ALB: variants seen among roughly 807,000 people sequenced by gnomAD.
ALB encodes the protein serum albumin.
A neutral mutation model predicts 74.5 loss-of-function variants in ALB; 37 were observed. The observed-to-expected ratio is 0.50, with a 90% CI of 0.38 to 0.65. The LOEUF (loss-of-function observed/expected upper bound fraction) is 0.65. ALB is among the 30% of genes least tolerant of loss of function. ALB has a pLI of 0.00. For synonymous variants in ALB, 249 were observed against 251.6 expected (o/e 0.99, Z 0.10); for missense variants, 685 against 718.7 (o/e 0.95, Z 0.54).
chr4:73,413,405 C>T lies in ALB; in HGVS notation c.844-15C>T, dbSNP rs1718927982. The T allele has an allele frequency of 6.2e-7, 1 of 1,606,494 alleles. No homozygotes were observed. Among genetic ancestry groups the T allele is most frequent in the African/African-American group, 1.3e-5 (1 of 74,716 alleles). Reference sequence around the variant, plus strand: ...GTCAATTCGTGTTGAACAATTTCCACCAACTTACTTATAGGCGGACCTTGC... The same window carrying T: ...GTCAATTCGTGTTGAACAATTTCCATCAACTTACTTATAGGCGGACCTTGC... On this transcript the variant is annotated splice_polypyrimidine_tract_variant and intron_variant, in intron 7 of 14. Coordinates refer to ENST00000295897, the MANE Select transcript of ALB (RefSeq NM_000477.7).
In ALB at chr4:73,415,142, A is replaced by T. The variant is rs78538497; in HGVS notation, c.1166A>T (p.Asp389Val). The T allele has an allele frequency of 4.3e-6, 7 of 1,614,084 alleles. No homozygotes were observed. The highest frequency in any genetic ancestry group is 5.9e-6 in the Non-Finnish European group (7 of 1,180,036). ...CTAGAGAAGTGCTGTGCCGCTGCAGATCCTCATGAATGCTATGCCAAAGTG... is the reference window on the plus strand; with the variant it reads ...CTAGAGAAGTGCTGTGCCGCTGCAGTTCCTCATGAATGCTATGCCAAAGTG... The part of the protein sequence containing the change: ...TTLEKCCAAA[D>V]PHECYAKVFD... The change falls in exon 9 of 15, where the codon GAT becomes GTT. Residue 389 changes from aspartate (D) to valine (V), a missense_variant. Transcript: ENST00000295897.
intron 10 of ALB, 139 bp downstream of exon 10, chr4:73,416,492 A>T (rs1719018281): frequency 1.4e-6 from 1 of 706,960 alleles, no homozygotes; most frequent in South Asian, 1.6e-5. Flanking sequence ...GAAAGATAGG[A>T]GAGGAGAGAT....
At chr4:73,405,272 A>G (rs1718691520) in intron 2 of ALB, 99 bp downstream of exon 2, 1 of 1,045,162 alleles carries the variant, frequency 9.6e-7, no homozygotes, top group South Asian at 1.3e-5. Flanking sequence ...TTCAGATTCT[A>G]AAACAGTGCT....
In ALB at chr4:73,418,210, C is replaced by G. The variant is rs1304887778; in HGVS notation, c.1551C>G (p.Val517=). 6.2e-7 allele frequency: 1 copy of G among 1,614,096 alleles called. No homozygotes were observed. Among genetic ancestry groups the G allele is most frequent in the Non-Finnish European group, 8.5e-7 (1 of 1,180,006 alleles). The part of the protein sequence containing the change: ...NRRPCFSALE[V]DETYVPKEFN... The stretch of plus-strand genomic sequence containing the variant: ...GACCATGCTTTTCAGCTCTGGAAGT[C>G]GATGAAACATACGTTCCCAAAGAGT... The change falls in exon 12 of 15, where the codon GTC becomes GTG. Residue 517 remains valine (V), a synonymous_variant. Transcript: ENST00000295897.
At chr4:73,408,514 A>G (rs1718788944) in intron 3 of ALB, 80 bp from the exon 4 acceptor site, 1 of 1,265,668 alleles carries the variant, frequency 7.9e-7, no homozygotes, top group African/African-American at 1.5e-5. Flanking sequence ...TAACCAGTAT[A>G]TTAAATCCTT....
At chr4:73,420,631 T>C (rs919265947) in intron 14 of ALB, among the ~76,000 whole-genome samples, 1 of 152,164 alleles carries the variant, frequency 6.6e-6, no homozygotes, top group African/African-American at 2.4e-5. Flanking sequence ...ACTTATATGA[T>C]GCGGTACACA....
intron 10 of ALB, among the ~76,000 whole-genome samples, chr4:73,417,284 A>C (rs56017687): frequency 6.6e-6 from 1 of 152,216 alleles, no homozygotes. Flanking sequence ...TATTAATGTC[A>C]CTGAATTAGG....
At chr4:73,415,836 A>G (rs1204538525) in intron 9 of ALB, among the ~76,000 whole-genome samples, 1 of 152,190 alleles carries the variant, frequency 6.6e-6, no homozygotes, top group Non-Finnish European at 1.5e-5. Context: ...AATATGTACA[A>G]TCATAGCCAT....
chr4:73,420,666 C>T (rs1295803116), intron 14 of ALB: 1 of 278,888 alleles, frequency 3.6e-6, no homozygotes, highest in Non-Finnish European at 6.7e-6. Context: ...AGTGATGGCT[C>T]AGCAGTGGAA....
At position 73,420,376 on chromosome 4, in the gene ALB, A is replaced by G; in HGVS notation, c.*23+55A>G. ...TAACTATAATAGTTATTATTAAAAT[A>G]GCAAAGATTGACCATTTCCAAGAGC... On this transcript the variant is annotated intron_variant, in intron 14 of 14. Transcript: ENST00000295897. 4.1e-6 allele frequency: 5 copies of G among 1,224,292 alleles called. No individual in the cohort carries two copies. The South Asian group carries it at 6.6e-5, about 16-fold the overall frequency. The allele number at this position is 1,224,292 out of a possible 1,614,324, so 75.8% of individuals were successfully genotyped here. A position where few individuals can be genotyped will look rare whatever the true frequency, so the allele number is the denominator to read the frequency against.
intron 4 of ALB, chr4:73,409,094 A>G (rs957208329): frequency 1.7e-6 from 1 of 580,426 alleles, no homozygotes; most frequent in Non-Finnish European, 3.0e-6. Flanking sequence ...TGGTTGTTAT[A>G]ATTGATTTCG....
rs762244594 is a variant in ALB at position 73,404,939 on chromosome 4, G to A, written c.80-177G>A. 35 of 646,896 alleles carry A rather than the reference G, an allele frequency of 5.4e-5. No homozygotes were observed. The African/African-American group carries it at 6.3e-4, about 12-fold the overall frequency. 40.1% of individuals were successfully genotyped at this position (646,896 alleles called of 1,614,324 possible). On this transcript the variant is annotated intron_variant, in intron 1 of 14. Coordinates refer to ENST00000295897, the MANE Select transcript of ALB (RefSeq NM_000477.7). ...TTCTTGGTAATTGAATTATTCTTCT[G>A]TTTAAAGGCAGAAGAAATAATTGAA...
rs564810543 is a variant in ALB at position 73,421,187 on chromosome 4, A to C, written c.*119A>C. On this transcript the variant is annotated 3_prime_UTR_variant, in exon 15 of 15. Transcript: ENST00000295897. ...GTAAAGCCAACACCCTGTCTAAAAA[A>C]CATAAATTTCTTTAATCATTTTGCC... 1.5e-6 allele frequency: 1 copy of C among 655,014 alleles called. No homozygotes were observed. The highest frequency in any genetic ancestry group is 2.7e-6 in the Non-Finnish European group (1 of 369,308). The allele number at this position is 655,014 out of a possible 1,614,324, so 40.6% of individuals were successfully genotyped here.
In ALB at chr4:73,415,050, T is replaced by C. The variant is rs200134813; in HGVS notation, c.1074T>C (p.Tyr358=). The part of the protein sequence containing the change: ...DVFLGMFLYE[Y]ARRHPDYSVV... ...TCTTAATTAGGTTTTTGTATGAATA[T>C]GCAAGAAGGCATCCTGATTACTCTG... The change falls in exon 9 of 15, where the codon TAT becomes TAC. Residue 358 remains tyrosine (Y), a synonymous_variant. Coordinates refer to ENST00000295897, the MANE Select transcript of ALB (RefSeq NM_000477.7). The C allele has an allele frequency of 1.2e-6, 2 of 1,614,170 alleles. No homozygotes were observed. Among genetic ancestry groups the C allele is most frequent in the East Asian group, 2.2e-5 (1 of 44,882 alleles).
intron 8 of ALB, among the ~76,000 whole-genome samples, chr4:73,414,042 C>A (rs1718949700): frequency 6.6e-6 from 1 of 151,994 alleles, no homozygotes; most frequent in Non-Finnish European, 1.5e-5. Context: ...GCAATGATAG[C>A]AAAGAAGTAT....
At chr4:73,418,817 A>G in intron 12 of ALB, among the ~76,000 whole-genome samples, 1 of 152,170 alleles carries the variant, frequency 6.6e-6, no homozygotes, top group East Asian at 1.9e-4. Context: ...TAATTGCATA[A>G]AATTTAGCTA....
At chr4:73,409,115 C>A in intron 4 of ALB, 1 of 585,588 alleles carries the variant, frequency 1.7e-6, no homozygotes. Flanking sequence ...TTTTAGTCAG[C>A]AACATTATAT....
At chr4:73,420,154 G>A (rs1222526381) in intron 13 of ALB, 100 bp from the exon 14 acceptor site, 7 of 1,057,276 alleles carry the variant, frequency 6.6e-6, no homozygotes, top group Non-Finnish European at 1.0e-5. Context: ...TGATGCACGT[G>A]AAATCACTTT....
intron 3 of ALB, among the ~76,000 whole-genome samples, chr4:73,407,947 C>G (rs1317576139): frequency 6.6e-6 from 1 of 152,084 alleles, no homozygotes; most frequent in Admixed American, 6.6e-5. Context: ...TATGGCTCTA[C>G]ATATGAAATC....
Sources: allele counts gnomAD v4.1 joint callset (sites outside exome capture counted in the v4.1 genomes callset), GRCh38; gene constraint gnomAD v4.1.1; transcripts MANE v1.5; gene names NCBI Gene and HGNC (gene_info 2026-07-23, HGNC 2026-07-21).